STK38L: variants seen among roughly 807,000 people sequenced by gnomAD.
STK38L encodes the protein serine/threonine-protein kinase 38-like.
STK38L carries 28 observed loss-of-function variants against 59.7 expected under a neutral mutation model. The ratio of observed to expected loss-of-function variants is 0.47; its 90% CI spans 0.35 to 0.64. The LOEUF (loss-of-function observed/expected upper bound fraction) is 0.64, where lower values mean the gene tolerates loss of function less well. Among genes scored for constraint, STK38L ranks in the 30% least tolerant of loss-of-function variants. The pLI, the probability that STK38L is intolerant of heterozygous loss-of-function variation, is 0.01. For missense variants in STK38L, 314 were observed against 555.8 expected (o/e 0.56, Z 4.37); for synonymous variants, 162 against 176.8 (o/e 0.92, Z 0.66).
intron 1 of STK38L, among the ~76,000 whole-genome samples, chr12:27,273,125 TC>T (rs1255338900): frequency 1.3e-5 from 2 of 152,190 alleles, no homozygotes; most frequent in African/African-American, 4.8e-5. Flanking sequence ...GATATTTTTT[TC>T]TTCCTTATTT....
chr12:27,313,248 CAAA>C (rs748176392), intron 6 of STK38L, among the ~76,000 whole-genome samples: 7 of 105,816 alleles, frequency 6.6e-5, no homozygotes, highest in Admixed American at 1.8e-4. Context: ...GACTACGTCT[CAAA>C]AAAAAAAAAA....
chr12:27,310,162 T>C (rs755863891), intron 5 of STK38L, among the ~76,000 whole-genome samples: 1 of 152,042 alleles, frequency 6.6e-6, no homozygotes, highest in African/African-American at 2.4e-5. Flanking sequence ...AAGAAGGTAA[T>C]AGGAACCATC....
chr12:27,322,706 C>A lies in STK38L; in HGVS notation c.*251C>A. The A allele has an allele frequency of 3.0e-6, 1 of 336,332 alleles. No homozygotes were observed. The highest frequency in any genetic ancestry group is 6.0e-5 in the South Asian group (1 of 16,570). 20.8% of individuals were successfully genotyped at this position (336,332 alleles called of 1,614,324 possible). A position where few individuals can be genotyped will look rare whatever the true frequency, so the allele number is the denominator to read the frequency against. On this transcript the variant is annotated 3_prime_UTR_variant, in exon 14 of 14. Transcript: ENST00000389032. ...TATGAAGGTACTGGAATAAAAGGAA[C>A]AGACATCCCTTTCTAACTGCACTGC...
chr12:27,269,798 A>G (rs992762683), intron 1 of STK38L, among the ~76,000 whole-genome samples: 1 of 151,994 alleles, frequency 6.6e-6, no homozygotes, highest in Non-Finnish European at 1.5e-5. Flanking sequence ...ACCCACCACC[A>G]TGCCCGGCTG....
At chr12:27,269,051 T>G (rs1943362138) in intron 1 of STK38L, among the ~76,000 whole-genome samples, 1 of 152,236 alleles carries the variant, frequency 6.6e-6, no homozygotes, top group Admixed American at 6.5e-5. Context: ...TGCAAAAATT[T>G]TTTCCCATTC....
chr12:27,322,680 ATATGAAGG>A lies in STK38L; in HGVS notation c.*228_*235del, dbSNP rs567791313. The A allele has an allele frequency of 2.8e-4, 113 of 410,336 alleles. No individual in the cohort carries two copies. Among genetic ancestry groups the A allele is most frequent in the African/African-American group, 2.2e-3 (107 of 48,148 alleles). The allele number at this position is 410,336 out of a possible 1,614,324, so 25.4% of individuals were successfully genotyped here. On this transcript the variant is annotated 3_prime_UTR_variant, in exon 14 of 14. Coordinates refer to ENST00000389032, the MANE Select transcript of STK38L (RefSeq NM_015000.4). ...TTTTATTATTTTTGTTAACTTTATTATATGAAGGTACTGGAATAAAAGGAACAGACATC... is the reference window on the plus strand; with the variant it reads ...TTTTATTATTTTTGTTAACTTTATTATACTGGAATAAAAGGAACAGACATC...
At position 27,323,886 on chromosome 12, in the gene STK38L, A is replaced by T. The variant is rs1418019151; in HGVS notation, c.*1431A>T. 6.6e-6 allele frequency: 1 copy of T among 152,168 alleles called. No homozygotes were observed. The highest frequency in any genetic ancestry group is 1.5e-5 in the Non-Finnish European group (1 of 67,970). The allele number at this position is 152,168 out of a possible 1,614,324, so 9.4% of individuals were successfully genotyped here. A position where few individuals can be genotyped will look rare whatever the true frequency, so the allele number is the denominator to read the frequency against. The stretch of plus-strand genomic sequence containing the variant: ...AGTAATAGTTGAGGAATAATATACT[A>T]GCAAAGAATGGCCTAATGTTTGTCA... On this transcript the variant is annotated 3_prime_UTR_variant, in exon 14 of 14. Coordinates refer to ENST00000389032, the MANE Select transcript of STK38L (RefSeq NM_015000.4).
chr12:27,260,773 C>T (rs1943189265), intron 1 of STK38L, among the ~76,000 whole-genome samples: 1 of 152,166 alleles, frequency 6.6e-6, no homozygotes, highest in South Asian at 2.1e-4. Flanking sequence ...CATCCCCTCG[C>T]CCCACTAGAA....
chr12:27,290,603 T>G (rs1297356525), intron 1 of STK38L, among the ~76,000 whole-genome samples: 1 of 152,226 alleles, frequency 6.6e-6, no homozygotes, highest in Non-Finnish European at 1.5e-5. Flanking sequence ...CTTCTTCACT[T>G]CTGCTACTAT....
chr12:27,302,746 C>T (rs1591919185), intron 3 of STK38L, among the ~76,000 whole-genome samples: 1 of 151,882 alleles, frequency 6.6e-6, no homozygotes, highest in African/African-American at 2.4e-5. Context: ...CTGGGCCGGG[C>T]GCGGTAGCTC....
intron 1 of STK38L, among the ~76,000 whole-genome samples, chr12:27,249,803 CAT>C: frequency 6.6e-6 from 1 of 152,284 alleles, no homozygotes; most frequent in East Asian, 1.9e-4. Context: ...AGAATTTCTA[CAT>C]GTTATAATAG....
At position 27,317,242 on chromosome 12, in the gene STK38L, C is replaced by A. The variant is rs1488386928; in HGVS notation, c.838-94C>A. On this transcript the variant is annotated intron_variant, in intron 9 of 13. Transcript: ENST00000389032. ...AATAAATACAAGTGAAAATTTAACT[C>A]CTCTATATATTGCTTTTTCCAGTAG... 6.0e-6 allele frequency: 5 copies of A among 831,242 alleles called. No homozygotes were observed. In the African/African-American group the frequency reaches 6.8e-5, roughly 11 times the overall value. 51.5% of individuals were successfully genotyped at this position (831,242 alleles called of 1,614,324 possible).
At chr12:27,270,702 C>G (rs1350839147) in intron 1 of STK38L, among the ~76,000 whole-genome samples, 1 of 151,880 alleles carries the variant, frequency 6.6e-6, no homozygotes, top group East Asian at 1.9e-4. Flanking sequence ...TTTATGGAGA[C>G]AGGGCCTCGC....
intron 11 of STK38L, among the ~76,000 whole-genome samples, chr12:27,318,648 C>T (rs1004319052): frequency 4.6e-5 from 7 of 152,122 alleles, no homozygotes; most frequent in Non-Finnish European, 8.8e-5. Flanking sequence ...CAGTAGTGGA[C>T]TGGCTCAATA....
intron 1 of STK38L, among the ~76,000 whole-genome samples, chr12:27,266,284 C>T (rs1197749812): frequency 6.6e-6 from 1 of 152,136 alleles, no homozygotes; most frequent in Non-Finnish European, 1.5e-5. Flanking sequence ...TTTGTAGGTC[C>T]AGTCCACATA....
chr12:27,260,245 A>C (rs1943177124), intron 1 of STK38L, among the ~76,000 whole-genome samples: 1 of 152,234 alleles, frequency 6.6e-6, no homozygotes, highest in Non-Finnish European at 1.5e-5. Context: ...GATCATGTAT[A>C]GATATGGAAC....
intron 1 of STK38L, among the ~76,000 whole-genome samples, chr12:27,275,713 G>A (rs779946573): frequency 2.0e-5 from 3 of 152,058 alleles, no homozygotes; most frequent in African/African-American, 4.8e-5. Flanking sequence ...GACACTGCCT[G>A]GCACATAGTA....
At chr12:27,312,807 T>C (rs1395593162) in intron 6 of STK38L, 135 bp downstream of exon 6, 18 of 1,047,166 alleles carry the variant, frequency 1.7e-5, no homozygotes, top group Non-Finnish European at 2.4e-5. Flanking sequence ...AAATATTTAC[T>C]ACCATATTGA....
chr12:27,309,116 G>T lies in STK38L; in HGVS notation c.312G>T (p.Val104=). The T allele has an allele frequency of 6.3e-7, 1 of 1,581,318 alleles. No individual in the cohort carries two copies. Among genetic ancestry groups the T allele is most frequent in the South Asian group, 1.2e-5 (1 of 85,632 alleles). ...AATATATGTTTTTTATCTTTTAGGT[G>T]CGGTTGGTCCAGAAGAAAGATACAG... The part of the protein sequence containing the change: ...KVIGRGAFGE[V]RLVQKKDTGH... Residue 104 remains valine (V), a splice_region_variant and synonymous_variant, in exon 5 of 14, where the codon GTG becomes GTT. Coordinates refer to ENST00000389032, the MANE Select transcript of STK38L (RefSeq NM_015000.4).
Sources: allele counts gnomAD v4.1 joint callset (sites outside exome capture counted in the v4.1 genomes callset), GRCh38; gene constraint gnomAD v4.1.1; transcripts MANE v1.5; gene names NCBI Gene and HGNC (gene_info 2026-07-23, HGNC 2026-07-21).